Variants in IRX4 observed in about 807,000 individuals in gnomAD.
IRX4 encodes iroquois-class homeodomain protein IRX-4.
A neutral mutation model predicts 32.0 loss-of-function variants in IRX4; 22 were observed. The ratio of observed to expected loss-of-function variants is 0.69; its 90% confidence interval spans 0.49 to 0.98. The LOEUF is 0.98. Ranked by LOEUF, IRX4 falls within the 50% of genes least tolerant of loss-of-function variation. The probability of loss-of-function intolerance (pLI) is 0.00; values close to 1 mark genes in which losing one functional copy is unlikely to be tolerated. For missense variants in IRX4, 840 were observed against 744.2 expected (o/e 1.13, Z -1.50); for synonymous variants, 379 against 351.7 (o/e 1.08, Z -0.87).
At chr5:1,886,816 C>T (rs1366108403), upstream of IRX4, 1 of 152,092 alleles carries the variant, frequency 6.6e-6, no homozygotes, top group African/African-American at 2.4e-5. Context: ...CCCTTAAGCG[C>T]AAGAGCAATC....
rs1579247816 is a variant in IRX4, at chr5:1,878,273, G to A, written c.1256C>T (p.Pro419Leu). 1 of 1,601,624 alleles carries A rather than the reference G, an allele frequency of 6.2e-7. No individual in the cohort carries two copies. The change falls in exon 5 of 5, where the codon CCC becomes CTC. Residue 419 changes from proline (P) to leucine (L), a missense_variant. By Grantham distance (98) the Pro-to-Leu change is moderately conservative. Around this residue, in one of 3 missense-constraint regions of IRX4, gnomAD observed 585 missense variants for 488.0 expected, o/e 1.20. Coordinates refer to ENST00000231357, the MANE Select transcript of IRX4 (RefSeq NM_016358.3). ...GTGCCTGTCCAGGGCGCCAGAGTGG[G>A]GAAGGGCCACAGACGGGGACGTGGC... The part of the protein sequence containing the change: ...APATSPSVAL[P>L]HSGALDRHQD...
Position 1,878,605 on chromosome 5 carries a change from C to A in IRX4, c.924G>T (p.Leu308=), listed in dbSNP as rs753584456. 5.8e-6 allele frequency: 9 copies of A among 1,561,282 alleles called. No individual in the cohort carries two copies. In the South Asian group the frequency reaches 8.2e-5, roughly 14 times the overall value. ...CCAGAGCAGCTCCGCCACCCGCGGCCAGAGACATCCGGAGCGCGCCTGAGG... is the reference window on the plus strand; with the variant it reads ...CCAGAGCAGCTCCGCCACCCGCGGCAAGAGACATCCGGAGCGCGCCTGAGG... ...KEASGALRMS[L]AAGGGAALDE... Residue 308 remains leucine, a synonymous_variant, in exon 5 of 5, where the codon CTG becomes CTT. Transcript: ENST00000231357.
chr5:1,885,452 C>G (rs1211763976), upstream of IRX4, among the ~76,000 whole-genome samples: 1 of 152,196 alleles, frequency 6.6e-6, no homozygotes, highest in Non-Finnish European at 1.5e-5. Flanking sequence ...GACCCAGAAA[C>G]CTGGCCTCTG....
upstream of IRX4, chr5:1,884,713 T>A (rs1735572768): frequency 6.6e-6 from 1 of 152,276 alleles, no homozygotes; most frequent in Non-Finnish European, 1.5e-5. Flanking sequence ...CTCACCTGAA[T>A]CGCTAATATC....
chr5:1,881,253 G>A (rs567535559), intron 2 of IRX4, among the ~76,000 whole-genome samples: 2 of 147,302 alleles, frequency 1.4e-5, no homozygotes, highest in Admixed American at 6.8e-5. Context: ...AAAGGGGAGG[G>A]GCTGCTGAGC....
In IRX4 at chr5:1,882,038, G is replaced by A; in HGVS notation, c.67C>T (p.Leu23=). 1.3e-6 allele frequency: 2 copies of A among 1,552,784 alleles called. No homozygotes were observed. The highest frequency in any genetic ancestry group is 2.4e-5 in the East Asian group (1 of 41,266). ...CCTCCGGACTCGCAGCACGTGCTCA[G>A]GGAGTTGGTGGCCATCAAGAACTGC... The part of the protein sequence containing the change: ...APQFLMATNS[L]STCCESGGRT... The change falls in exon 2 of 5, where the codon CTG becomes TTG. Residue 23 remains leucine (L), a synonymous_variant. Transcript: ENST00000231357.
At chr5:1,885,599 G>T (rs908215796), upstream of IRX4, among the ~76,000 whole-genome samples, 1 of 151,882 alleles carries the variant, frequency 6.6e-6, no homozygotes. Context: ...CTCCTGACCC[G>T]CCCGGCCTCA....
chr5:1,879,576 C>T lies in IRX4; in HGVS notation c.664G>A (p.Ala222Thr), dbSNP rs1172029542. ...CCCCCCTCCTCCTCCTCGCCCTCCGCGTAGGGCCGCTTCTCGTCTGCGCAC... is the reference window on the plus strand; with the variant it reads ...CCCCCCTCCTCCTCCTCGCCCTCCGTGTAGGGCCGCTTCTCGTCTGCGCAC... ...NKCADEKRPY[A>T]EGEEEEGGEE... The change falls in exon 4 of 5, where the codon GCG (alanine) becomes ACG (threonine). Residue 222 changes from alanine to threonine, a missense_variant. Physicochemically the swap from Ala to Thr is moderately conservative, Grantham distance 58 (BLOSUM62 0). Coordinates refer to ENST00000231357, the MANE Select transcript of IRX4 (RefSeq NM_016358.3). 1.9e-6 allele frequency: 3 copies of T among 1,613,846 alleles called. No homozygotes were observed. The highest frequency in any genetic ancestry group is 2.2e-5 in the East Asian group (1 of 44,870).
intron 2 of IRX4, chr5:1,881,129 A>T (rs1346320143): frequency 4.6e-6 from 2 of 437,422 alleles, no homozygotes; most frequent in East Asian, 9.3e-5. Context: ...AGTTGGAGGG[A>T]AGCCAGAAAG....
rs986446834 is a variant in IRX4, at chr5:1,878,918, G to A, written c.737-126C>T. ...AAAAGCACTCGGGGCCTCTCTTCGC[G>A]TCTCCCATTTCCTCCAGAGGCCACC... On this transcript the variant is annotated intron_variant, in intron 4 of 4. Coordinates refer to ENST00000231357, the MANE Select transcript of IRX4 (RefSeq NM_016358.3). 2.1e-5 allele frequency: 21 copies of A among 988,400 alleles called. No individual in the cohort carries two copies. In the African/African-American group the frequency reaches 3.0e-4, roughly 14 times the overall value. The allele number at this position is 988,400 out of a possible 1,614,324, so 61.2% of individuals were successfully genotyped here.
At chr5:1,884,330 C>G (rs917913188), upstream of IRX4, 1 of 152,324 alleles carries the variant, frequency 6.6e-6, no homozygotes, top group African/African-American at 2.4e-5. Context: ...TTAATGATGA[C>G]GTCCTCGCCC....
upstream of IRX4, among the ~76,000 whole-genome samples, chr5:1,883,550 C>A (rs535329553): frequency 6.6e-6 from 1 of 152,240 alleles, no homozygotes. Flanking sequence ...CCCTCAGGTG[C>A]GTGGGGGCTT....
At chr5:1,879,429 C>A in intron 4 of IRX4, 75 bp downstream of exon 4, 1 of 1,599,702 alleles carries the variant, frequency 6.3e-7, no homozygotes, top group South Asian at 1.1e-5. Context: ...ACCCCCAAGA[C>A]GTCCTAGAAC....
At chr5:1,880,196 C>A (rs1415875411) in intron 3 of IRX4, 1 of 1,408,318 alleles carries the variant, frequency 7.1e-7, no homozygotes, top group Non-Finnish European at 9.7e-7. Flanking sequence ...AGATGTAACA[C>A]GTGTGGCAGG....
In IRX4 at chr5:1,881,843, T is replaced by C. The variant is rs760810223; in HGVS notation, c.262A>G (p.Thr88Ala). The C allele has an allele frequency of 3.8e-6, 6 of 1,578,094 alleles. No homozygotes were observed. The highest frequency in any genetic ancestry group is 5.2e-6 in the Non-Finnish European group (6 of 1,162,424). ...GGSQGYGNYV[T>A]YGSEASAFYS... The stretch of plus-strand genomic sequence containing the variant: ...AAGGCGGACGCCTCCGAGCCGTAGG[T>C]CACGTAGTTGCCATAGCCCTGCGAT... Residue 88 changes from threonine (T) to alanine (A), a missense_variant, in exon 2 of 5, where the codon ACC becomes GCC. This residue lies in a region of IRX4 where 241 missense variants were observed against 220.8 expected (regional missense o/e 1.09). Coordinates refer to ENST00000231357, the MANE Select transcript of IRX4 (RefSeq NM_016358.3).
At chr5:1,885,931 T>A (rs1321192250), upstream of IRX4, among the ~76,000 whole-genome samples, 1 of 152,214 alleles carries the variant, frequency 6.6e-6, no homozygotes, top group Non-Finnish European at 1.5e-5. Flanking sequence ...CGGTACTAAA[T>A]ACACCCGTGA....
At position 1,878,011 on chromosome 5, in the gene IRX4, C is replaced by G. The variant is rs115022020; in HGVS notation, c.1518G>C (p.Leu506=). The G allele has an allele frequency of 6.2e-5, 94 of 1,507,064 alleles. 2 individuals are homozygous for G. In the African/African-American group the frequency reaches 1.3e-3, roughly 21 times the overall value. The allele number at this position is 1,507,064 out of a possible 1,614,324, so 93.4% of individuals were successfully genotyped here. ...DAPAAGAARE[L]LALPKAGGKP... ...TGCCGCCGGCCTTGGGCAGGGCGAG[C>G]AGCTCCCTGGCGGCGCCTGCAGCTG... is the stretch of plus-strand genomic sequence containing the variant. The change falls in exon 5 of 5, where the codon CTG becomes CTC. Residue 506 remains leucine, a synonymous_variant. Transcript: ENST00000231357.
chr5:1,880,702 G>A (rs1311402010), intron 3 of IRX4, 23 bp downstream of exon 3: 2 of 1,524,676 alleles, frequency 1.3e-6, no homozygotes. Context: ...GGCTAGTGCT[G>A]GTTAGGAGGG....
upstream of IRX4, among the ~76,000 whole-genome samples, chr5:1,883,796 C>T (rs1171111941): frequency 6.6e-6 from 1 of 152,248 alleles, no homozygotes; most frequent in African/African-American, 2.4e-5. Context: ...CTTCCCCCTG[C>T]CCCTCGCGGC....
Sources: gnomAD v4.1 joint callset for allele counts (sites outside exome capture counted in the v4.1 genomes callset) on GRCh38, gnomAD v4.1.1 for gene constraint, gnomAD v4.1.1 regional missense constraint, MANE v1.5 for transcripts, NCBI Gene and HGNC (gene_info 2026-07-23, HGNC 2026-07-21) for gene names.